The following CTNNA2 variants were observed in gnomAD, a reference collection of about 807,000 sequenced individuals.
CTNNA2 encodes catenin alpha 2, also known as catenin alpha-2.
CTNNA2 carries 42 observed loss-of-function variants against 101.0 expected under a neutral mutation model. That is an observed-to-expected ratio of 0.42 (90% CI 0.32 to 0.54). CTNNA2 has a LOEUF of 0.54. CTNNA2 is among the 20% of genes least tolerant of loss of function. CTNNA2 has a pLI of 0.14. For synonymous variants in CTNNA2, 450 were observed against 456.4 expected (o/e 0.99, Z 0.18); for missense variants, 871 against 1,223.1 (o/e 0.71, Z 4.29).
intron 2 of CTNNA2, among the ~76,000 whole-genome samples, chr2:79,248,271 C>T (rs1302224592): frequency 6.6e-6 from 1 of 151,884 alleles, no homozygotes; most frequent in African/African-American, 2.4e-5. Context: ...AAATGTGAGC[C>T]ACACATGTTA....
chr2:79,332,267 T>A (rs1249847147), intron 3 of CTNNA2, among the ~76,000 whole-genome samples: 3 of 146,482 alleles, frequency 2.0e-5, no homozygotes, highest in African/African-American at 7.7e-5. Context: ...TATTTTAACC[T>A]CAGAGGCAAT....
intron 7 of CTNNA2, among the ~76,000 whole-genome samples, chr2:80,141,041 AT>A (rs1002685725): frequency 2.6e-4 from 40 of 151,876 alleles, no homozygotes; most frequent in African/African-American, 7.5e-4. Flanking sequence ...TTAAAAATGT[AT>A]TTATTTATTT....
intron 3 of CTNNA2, among the ~76,000 whole-genome samples, chr2:79,315,089 C>T (rs1210670414): frequency 6.6e-6 from 1 of 151,656 alleles, no homozygotes; most frequent in Non-Finnish European, 1.5e-5. Context: ...CTCTCTAGGG[C>T]TCTCCTTCCC....
At chr2:80,201,139 TATC>T (rs1707181961) in intron 7 of CTNNA2, among the ~76,000 whole-genome samples, 1 of 152,126 alleles carries the variant, frequency 6.6e-6, no homozygotes, top group Non-Finnish European at 1.5e-5. Flanking sequence ...TGTTAATTGT[TATC>T]ATACTGAATT....
At chr2:79,940,000 G>A (rs1396606338) in intron 7 of CTNNA2, among the ~76,000 whole-genome samples, 1 of 152,164 alleles carries the variant, frequency 6.6e-6, no homozygotes, top group African/African-American at 2.4e-5. Context: ...GCTGAGGCAG[G>A]AGAATTGCTT....
chr2:80,302,191 G>C lies in CTNNA2; in HGVS notation c.1057-91020G>C. On this transcript the variant is annotated intron_variant, in intron 7 of 18. Transcript: ENST00000402739. The surrounding 1 kb of genome is among the most constrained non-coding windows in gnomAD (Gnocchi z 6.4). Reference sequence around the variant, plus strand: ...AGGAGACCCCAGCCTGGTGCCCGCCGGCCCGTCCCGGCTGCCCAGGCGTAT... The same window carrying C: ...AGGAGACCCCAGCCTGGTGCCCGCCCGCCCGTCCCGGCTGCCCAGGCGTAT... 6.4e-7 allele frequency: 1 copy of C among 1,563,428 alleles called. No homozygotes were observed. The highest frequency in any genetic ancestry group is 1.3e-5 in the African/African-American group (1 of 74,180).
chr2:80,417,253 C>CT (rs34053962), intron 8 of CTNNA2, among the ~76,000 whole-genome samples: 12 of 149,550 alleles, frequency 8.0e-5, no homozygotes, highest in East Asian at 2.0e-4. Flanking sequence ...ATCTTATATA[C>CT]TTTTTTTTTG....
chr2:79,915,903 C>T (rs973752611), intron 7 of CTNNA2, among the ~76,000 whole-genome samples: 4 of 152,136 alleles, frequency 2.6e-5, no homozygotes, highest in African/African-American at 9.7e-5. Context: ...AGAGAAAGAT[C>T]GAAACCTTCC....
intron 3 of CTNNA2, among the ~76,000 whole-genome samples, chr2:79,787,701 A>C (rs1674955095): frequency 6.6e-6 from 1 of 151,830 alleles, no homozygotes; most frequent in African/African-American, 2.4e-5. Context: ...AGGCCACTGC[A>C]TTCCTTGTTT....
upstream of CTNNA2, among the ~76,000 whole-genome samples, chr2:79,511,216 A>G (rs1177306960): frequency 6.6e-6 from 1 of 152,208 alleles, no homozygotes; most frequent in Non-Finnish European, 1.5e-5. Flanking sequence ...CTCTGGAATG[A>G]CACTGTATGC....
At chr2:79,998,822 C>T (rs916520240) in intron 7 of CTNNA2, among the ~76,000 whole-genome samples, 35 of 152,276 alleles carry the variant, frequency 2.3e-4, no homozygotes, top group Admixed American at 1.4e-3. Flanking sequence ...CCCTCCCCAA[C>T]CCCCAGGAGA....
chr2:79,888,596 CT>C (rs958615442), intron 6 of CTNNA2, among the ~76,000 whole-genome samples: 2 of 152,044 alleles, frequency 1.3e-5, no homozygotes, highest in Non-Finnish European at 1.5e-5. Context: ...ATTTGAAGTA[CT>C]TTTTTTTATA....
At chr2:80,243,249 C>A (rs567551381) in intron 7 of CTNNA2, among the ~76,000 whole-genome samples, 2 of 151,938 alleles carry the variant, frequency 1.3e-5, no homozygotes, top group Non-Finnish European at 2.9e-5. Context: ...TTTTTCACAT[C>A]TTTTGTAAAA....
intron 3 of CTNNA2, among the ~76,000 whole-genome samples, chr2:79,753,472 C>T (rs1395777087): frequency 6.6e-6 from 1 of 152,116 alleles, no homozygotes; most frequent in African/African-American, 2.4e-5. Flanking sequence ...CCTCTGTCAC[C>T]CCGTTATTAT....
chr2:80,546,040 T>G lies in CTNNA2; in HGVS notation c.1517T>G (p.Val506Gly). Residue 506 changes from valine (V) to glycine (G), a missense_variant, in exon 11 of 19, where the codon GTG becomes GGG. Physicochemically the swap from Val to Gly is moderately radical, Grantham distance 109. Coordinates refer to ENST00000402739, the MANE Select transcript of CTNNA2 (RefSeq NM_001282597.3). The part of the protein sequence containing the change: ...LTEAVDDITS[V>G]DDFLSVSENH... ...GAGGCCGTGGATGACATCACCTCAG[T>G]GGATGACTTCCTCTCTGTCTCAGGT... The G allele has an allele frequency of 6.2e-7, 1 of 1,614,032 alleles. No individual in the cohort carries two copies. Among genetic ancestry groups the G allele is most frequent in the African/African-American group, 1.3e-5 (1 of 75,058 alleles).
At chr2:79,682,075 C>G (rs1683598702) in intron 2 of CTNNA2, among the ~76,000 whole-genome samples, 1 of 152,082 alleles carries the variant, frequency 6.6e-6, no homozygotes, top group South Asian at 2.1e-4. Flanking sequence ...ATCTTTAAAA[C>G]TTTTTAGGCT....
intron 2 of CTNNA2, among the ~76,000 whole-genome samples, chr2:79,706,284 A>G (rs1175023851): frequency 6.9e-6 from 1 of 144,990 alleles, no homozygotes; most frequent in African/African-American, 2.6e-5. Flanking sequence ...AATGGCGTGA[A>G]CCCGGGAGGC....
At chr2:80,626,120 TTTAAC>T (rs1280008588) in intron 18 of CTNNA2, among the ~76,000 whole-genome samples, 3 of 152,128 alleles carry the variant, frequency 2.0e-5, no homozygotes, top group Admixed American at 6.6e-5. Flanking sequence ...TATGAAATAT[TTTAAC>T]TTAAGTCTAC....
chr2:79,813,194 T>G (rs1677189520), intron 3 of CTNNA2, among the ~76,000 whole-genome samples: 4 of 152,200 alleles, frequency 2.6e-5, no homozygotes. Flanking sequence ...GCTTTGCTCC[T>G]TTCTACCACA....
Sources: allele counts gnomAD v4.1 joint callset (sites outside exome capture counted in the v4.1 genomes callset), GRCh38; gene constraint gnomAD v4.1.1; non-coding constraint Gnocchi (gnomAD v3.1); transcripts MANE v1.5; gene names NCBI Gene and HGNC (gene_info 2026-07-23, HGNC 2026-07-21).